The following ARHGEF17 variants were observed in gnomAD, a reference collection of about 807,000 sequenced individuals.
ARHGEF17 encodes 164 kDa Rho-specific guanine-nucleotide exchange factor.
A neutral mutation model predicts 174.0 loss-of-function variants in ARHGEF17; 80 were observed. That is an observed-to-expected ratio of 0.46 (90% CI 0.38 to 0.55). The LOEUF (loss-of-function observed/expected upper bound fraction) is 0.55. ARHGEF17 is among the 20% of genes least tolerant of loss of function. ARHGEF17 has a pLI of 0.00. For missense variants in ARHGEF17, 2,886 were observed against 2,839.7 expected (o/e 1.02, Z -0.37); for synonymous variants, 1,311 against 1,189.1 (o/e 1.10, Z -2.11).
intron 1 of ARHGEF17, among the ~76,000 whole-genome samples, chr11:73,336,375 A>G (rs896713204): frequency 1.3e-5 from 2 of 152,242 alleles, no homozygotes; most frequent in African/African-American, 2.4e-5. Context: ...CCAAGGATAC[A>G]GTGAGCACAC....
chr11:73,360,816 ACT>A (rs1224927184), intron 11 of ARHGEF17, among the ~76,000 whole-genome samples: 5 of 152,114 alleles, frequency 3.3e-5, no homozygotes, highest in African/African-American at 9.7e-5. Context: ...CCCTACACAC[ACT>A]CTGAGCAGGG....
At chr11:73,323,810 C>A (rs1443859485) in intron 1 of ARHGEF17, among the ~76,000 whole-genome samples, 1 of 152,268 alleles carries the variant, frequency 6.6e-6, no homozygotes. Context: ...GTGGGCCCGG[C>A]CTGCCCCATC....
chr11:73,367,153 A>T (rs767273478), intron 20 of ARHGEF17, among the ~76,000 whole-genome samples: 4 of 152,202 alleles, frequency 2.6e-5, no homozygotes, highest in Non-Finnish European at 5.9e-5. Context: ...TGGCTGTGGA[A>T]ATCAGGAAGC....
chr11:73,334,907 T>C (rs1865262713), intron 1 of ARHGEF17, among the ~76,000 whole-genome samples: 1 of 152,212 alleles, frequency 6.6e-6, no homozygotes, highest in African/African-American at 2.4e-5. Context: ...CAGTGCTCTG[T>C]GCAGGTCAGG....
chr11:73,333,860 C>T (rs1041007540), intron 1 of ARHGEF17, among the ~76,000 whole-genome samples: 2 of 152,206 alleles, frequency 1.3e-5, no homozygotes, highest in African/African-American at 4.8e-5. Context: ...CTCTTTGAGC[C>T]TCTGTGCCCA....
chr11:73,313,332 G>A (rs1361018453), intron 1 of ARHGEF17, among the ~76,000 whole-genome samples: 5 of 152,192 alleles, frequency 3.3e-5, no homozygotes, highest in African/African-American at 1.2e-4. Context: ...GAGGAAGACA[G>A]CAGGTCCAGT....
intron 15 of ARHGEF17, 83 bp from the exon 16 acceptor site, chr11:73,363,664 G>A: frequency 6.4e-7 from 1 of 1,565,904 alleles, no homozygotes; most frequent in South Asian, 1.1e-5. Context: ...AAGACGTGGT[G>A]CTAGGGGCAA....
In ARHGEF17 at chr11:73,365,121, G is replaced by C. The variant is rs1010436868; in HGVS notation, c.5551-269G>C. 14 of 469,100 alleles carry C rather than the reference G, an allele frequency of 3.0e-5. No homozygotes were observed. Among genetic ancestry groups the C allele is most frequent in the Non-Finnish European group, 5.4e-5 (14 of 259,818 alleles). 29.1% of individuals were successfully genotyped at this position (469,100 alleles called of 1,614,324 possible). On this transcript the variant is annotated intron_variant, in intron 18 of 20. Coordinates refer to ENST00000263674, the MANE Select transcript of ARHGEF17 (RefSeq NM_014786.4). This position sits in a 1 kb window ranked among gnomAD's most constrained non-coding sequence, Gnocchi z 4.9. ...TTCAGCTTCCCCACCTGTCCAGGGGGAGGCCAGTGACTGATTTTAGAACCC... is the reference window on the plus strand; with the variant it reads ...TTCAGCTTCCCCACCTGTCCAGGGGCAGGCCAGTGACTGATTTTAGAACCC...
chr11:73,336,962 A>G (rs369266677), intron 1 of ARHGEF17, among the ~76,000 whole-genome samples: 10 of 152,246 alleles, frequency 6.6e-5, no homozygotes, highest in African/African-American at 2.4e-4. Flanking sequence ...TGAGCAAGCC[A>G]AGAGAGCAAG....
At position 73,360,532 on chromosome 11, in the gene ARHGEF17, G is replaced by T. The variant is rs769094091; in HGVS notation, c.4419G>T (p.Leu1473=). 3.7e-6 allele frequency: 6 copies of T among 1,613,798 alleles called. No individual in the cohort carries two copies. The Admixed American group carries it at 1.0e-4, about 27-fold the overall frequency. The change falls in exon 11 of 21, where the codon CTG becomes CTT. Residue 1473 remains leucine (L), a splice_region_variant and synonymous_variant. Transcript: ENST00000263674. ...CCTTCGATGAGGCCAAGAGGAAGCT[G>T]GGTAAGCCAAGGCACATGTTGGCCC... The part of the protein sequence containing the change: ...EQAFDEAKRK[L]ASSKSCLDPE...
chr11:73,332,274 A>G (rs965183524), intron 1 of ARHGEF17, among the ~76,000 whole-genome samples: 1 of 148,286 alleles, frequency 6.7e-6, no homozygotes, highest in African/African-American at 2.5e-5. Flanking sequence ...CTCTGGCTCT[A>G]CCCCTCTACC....
intron 1 of ARHGEF17, among the ~76,000 whole-genome samples, chr11:73,320,148 G>A (rs1298038263): frequency 1.3e-5 from 2 of 152,094 alleles, no homozygotes; most frequent in East Asian, 3.9e-4. Context: ...CAGAGGAACT[G>A]TCAGGTCCCT....
intron 12 of ARHGEF17, 79 bp from the exon 13 acceptor site, chr11:73,361,961 G>T: frequency 1.3e-6 from 2 of 1,531,548 alleles, no homozygotes; most frequent in Non-Finnish European, 1.8e-6. Context: ...CCTCCATTCT[G>T]CCGGGGTTTC....
chr11:73,358,614 C>T (rs569706891), intron 9 of ARHGEF17, among the ~76,000 whole-genome samples: 2 of 148,346 alleles, frequency 1.3e-5, no homozygotes, highest in South Asian at 2.1e-4. Context: ...CGCACCACTA[C>T]GCCCGGTTAA....
At chr11:73,344,104 C>T (rs915695203) in intron 1 of ARHGEF17, among the ~76,000 whole-genome samples, 3 of 152,232 alleles carry the variant, frequency 2.0e-5, no homozygotes, top group East Asian at 1.9e-4. Flanking sequence ...CCTCAGTGCC[C>T]GGTGTAGCGA....
At chr11:73,311,886 AC>A in intron 1 of ARHGEF17, 56 bp downstream of exon 1, 13 of 1,528,228 alleles carry the variant, frequency 8.5e-6, no homozygotes, top group Non-Finnish European at 8.8e-6. Context: ...ATGGGCACCG[AC>A]TTCGGTTGGA....
intron 3 of ARHGEF17, among the ~76,000 whole-genome samples, chr11:73,354,441 C>T (rs995003511): frequency 1.5e-4 from 23 of 152,102 alleles, no homozygotes; most frequent in African/African-American, 3.6e-4. Flanking sequence ...TCTGGCCGGG[C>T]GCAGTGGTTC....
At chr11:73,336,440 T>C (rs1865288050) in intron 1 of ARHGEF17, among the ~76,000 whole-genome samples, 1 of 152,184 alleles carries the variant, frequency 6.6e-6, no homozygotes. Context: ...CGGGGGTCCC[T>C]TCTGGGCTAA....
rs768254730 is a variant in ARHGEF17, at chr11:73,309,589, C to T, written c.951C>T (p.Ser317=). The change falls in exon 1 of 21, where the codon AGC becomes AGT. Residue 317 remains serine (S), a synonymous_variant. Transcript: ENST00000263674. ...RPDSDGLNLS[S]MNSAGVSGSP... ...ACAGTGATGGGTTAAATCTAAGCAG[C>T]ATGAACTCAGCAGGGGTTTCTGGGA... is the stretch of plus-strand genomic sequence containing the variant. 1 of 1,612,812 alleles carries T rather than the reference C, an allele frequency of 6.2e-7. No individual in the cohort carries two copies. Among genetic ancestry groups the T allele is most frequent in the Non-Finnish European group, 8.5e-7 (1 of 1,179,832 alleles).
Sources: gnomAD v4.1 joint callset for allele counts (sites outside exome capture counted in the v4.1 genomes callset) on GRCh38, gnomAD v4.1.1 for gene constraint, Gnocchi (gnomAD v3.1) non-coding constraint, MANE v1.5 for transcripts, NCBI Gene and HGNC (gene_info 2026-07-23, HGNC 2026-07-21) for gene names.